The following KCNIP1 variants were observed in gnomAD, a reference collection of about 807,000 sequenced individuals.
KCNIP1 encodes the protein A-type potassium channel modulatory protein KCNIP1.
A neutral mutation model predicts 33.0 loss-of-function variants in KCNIP1; 18 were observed. That is an observed-to-expected ratio of 0.55 (90% CI 0.38 to 0.81). The LOEUF (loss-of-function observed/expected upper bound fraction) is 0.81, where lower values mean the gene tolerates loss of function less well. KCNIP1 is among the 30% of genes least tolerant of loss of function. The pLI, the probability that KCNIP1 is intolerant of heterozygous loss-of-function variation, is 0.00. For missense variants in KCNIP1, 238 were observed against 271.6 expected (o/e 0.88, Z 0.87); for synonymous variants, 93 against 98.3 (o/e 0.95, Z 0.32).
intron 1 of KCNIP1, among the ~76,000 whole-genome samples, chr5:170,688,076 C>T (rs1182138829): frequency 1.3e-5 from 2 of 152,208 alleles, no homozygotes; most frequent in African/African-American, 2.4e-5. Context: ...TCTTTATATA[C>T]ATGATATACT....
At chr5:170,367,418 A>AAAGAAAGAAAGG (rs1561586954) in intron 1 of KCNIP1, among the ~76,000 whole-genome samples, 40 of 101,344 alleles carry the variant, frequency 3.9e-4, no homozygotes, top group Non-Finnish European at 6.1e-4. Flanking sequence ...AGAAAGAAAG[A>AAAGAAAGAAAGG]AAGGAAAGAA....
chr5:170,612,718 G>A (rs982473955), intron 1 of KCNIP1, among the ~76,000 whole-genome samples: 3 of 152,220 alleles, frequency 2.0e-5, no homozygotes, highest in Admixed American at 2.0e-4. Flanking sequence ...CTGACAATGT[G>A]AGGCTGGGCT....
chr5:170,381,786 G>A (rs745422847), intron 1 of KCNIP1, among the ~76,000 whole-genome samples: 14 of 152,174 alleles, frequency 9.2e-5, no homozygotes, highest in African/African-American at 1.7e-4. Flanking sequence ...TATCACTCCC[G>A]GAGAATGTTA....
chr5:170,663,238 C>A (rs565625725), intron 1 of KCNIP1, among the ~76,000 whole-genome samples: 1 of 152,208 alleles, frequency 6.6e-6, no homozygotes, highest in Non-Finnish European at 1.5e-5. Context: ...AACATCTGAG[C>A]CAGAGTGAAA....
chr5:170,728,828 A>C (rs1050905585), intron 5 of KCNIP1, among the ~76,000 whole-genome samples: 1 of 152,132 alleles, frequency 6.6e-6, no homozygotes, highest in Non-Finnish European at 1.5e-5. Context: ...AAGATTAATC[A>C]GATGAAAATA....
At chr5:170,378,808 G>A in intron 1 of KCNIP1, 1 of 1,614,266 alleles carries the variant, frequency 6.2e-7, no homozygotes, top group Non-Finnish European at 8.5e-7. Context: ...AGGGAGAAGA[G>A]GAGGGCCTGG....
intron 1 of KCNIP1, among the ~76,000 whole-genome samples, chr5:170,551,893 C>T (rs573025753): frequency 4.0e-5 from 6 of 150,602 alleles, no homozygotes; most frequent in South Asian, 2.1e-4. Context: ...TGAATGTGTA[C>T]GAGTGTGTGA....
chr5:170,680,488 A>G (rs1302369036), intron 1 of KCNIP1: 1 of 152,216 alleles, frequency 6.6e-6, no homozygotes, highest in Non-Finnish European at 1.5e-5. Context: ...GACAAATATA[A>G]CTGAGACGCA....
At chr5:170,697,159 T>C (rs1254252774) in intron 1 of KCNIP1, among the ~76,000 whole-genome samples, 1 of 152,060 alleles carries the variant, frequency 6.6e-6, no homozygotes, top group Non-Finnish European at 1.5e-5. Context: ...AGGCCCACCG[T>C]CACTCCTCAG....
chr5:170,415,340 GGTA>G (rs1430956244), intron 1 of KCNIP1, among the ~76,000 whole-genome samples: 2 of 152,088 alleles, frequency 1.3e-5, no homozygotes, highest in African/African-American at 4.8e-5. Context: ...TTTCTACAAC[GGTA>G]CTACTGACAT....
At chr5:170,423,145 A>G (rs1377586520) in intron 1 of KCNIP1, among the ~76,000 whole-genome samples, 1 of 152,186 alleles carries the variant, frequency 6.6e-6, no homozygotes. Flanking sequence ...CAGAACCCTC[A>G]CTGCTCTAGT....
Position 170,577,702 on chromosome 5 carries a change from A to C in KCNIP1, c.61+73069A>C, listed in dbSNP as rs556866026. Among the ~76,000 whole-genome samples, 11 of 152,344 alleles carry C rather than the reference A, an allele frequency of 7.2e-5. No individual in the cohort carries two copies. The South Asian group carries it at 2.3e-3, about 32-fold the overall frequency. ...TTGAAAAGAGTAGGACTTTTTAAAG[A>C]GTTCATACTATGAACCCAATAATTC... On this transcript the variant is annotated intron_variant, in intron 1 of 7. Coordinates refer to ENST00000328939, the MANE Select transcript of KCNIP1 (RefSeq NM_014592.4).
chr5:170,449,042 A>G (rs1756185028), intron 1 of KCNIP1, among the ~76,000 whole-genome samples: 1 of 152,178 alleles, frequency 6.6e-6, no homozygotes, highest in African/African-American at 2.4e-5. Context: ...TCACAGTGGC[A>G]ATTCCAGTGC....
chr5:170,393,390 A>G (rs1207152289), intron 1 of KCNIP1, among the ~76,000 whole-genome samples: 2 of 152,154 alleles, frequency 1.3e-5, no homozygotes, highest in African/African-American at 4.8e-5. Flanking sequence ...TGCCTCTCTG[A>G]GTGCTGCAGG....
At chr5:170,504,001 C>T (rs934795188), upstream of KCNIP1, 52 of 979,812 alleles carry the variant, frequency 5.3e-5, no homozygotes, top group Non-Finnish European at 5.9e-5. The surrounding 1 kb of genome is among the most constrained non-coding windows in gnomAD (Gnocchi z 6.0). Flanking sequence ...GCCCCCTCCG[C>T]CGCCCCCTCC....
chr5:170,611,977 T>C (rs1759175351), intron 1 of KCNIP1, among the ~76,000 whole-genome samples: 1 of 152,178 alleles, frequency 6.6e-6, no homozygotes, highest in South Asian at 2.1e-4. Context: ...GTGAATGAAA[T>C]AGACAGAAGT....
intron 1 of KCNIP1, among the ~76,000 whole-genome samples, chr5:170,584,687 G>A (rs1160935326): frequency 6.6e-6 from 1 of 152,170 alleles, no homozygotes; most frequent in East Asian, 1.9e-4. Context: ...GACAACTCCG[G>A]GGACTTAGTG....
intron 1 of KCNIP1, among the ~76,000 whole-genome samples, chr5:170,425,062 AC>A (rs1436968624): frequency 1.3e-5 from 2 of 151,856 alleles, no homozygotes; most frequent in Non-Finnish European, 2.9e-5. Context: ...CCCTCCCTGT[AC>A]CCTGGATTGA....
rs145720983 is a variant in KCNIP1 at position 170,423,952 on chromosome 5, A to T, written c.88+69988A>T. 7.0e-4 allele frequency among the ~76,000 whole-genome samples: 106 copies of T among 152,368 alleles called. 1 individual carries two copies. In the East Asian group the frequency reaches 0.018, roughly 25 times the overall value. On this transcript the variant is annotated intron_variant, in intron 1 of 7. Coordinates refer to the KCNIP1 transcript ENST00000377360. ...TTCATTCTAATGAGAACAGAAATAA[A>T]GGCTGATTAAATCAAATTCCCCATA...
Sources: allele counts gnomAD v4.1 joint callset (sites outside exome capture counted in the v4.1 genomes callset), GRCh38; gene constraint gnomAD v4.1.1; non-coding constraint Gnocchi (gnomAD v3.1); transcripts MANE v1.5; gene names NCBI Gene and HGNC (gene_info 2026-07-23, HGNC 2026-07-21).